The following CUBN variants were observed in gnomAD, a reference collection of about 807,000 sequenced individuals.
CUBN encodes the protein cubilin, also known as 460 kDa receptor.
In CUBN, 282 loss-of-function variants were observed where a neutral mutation model predicts 405.3. That is an observed-to-expected ratio of 0.70 (90% CI 0.63 to 0.77). The LOEUF (loss-of-function observed/expected upper bound fraction) is 0.77. Ranked by LOEUF, CUBN falls within the 30% of genes least tolerant of loss-of-function variation. The pLI, the probability that CUBN is intolerant of heterozygous loss-of-function variation, is 0.00. For missense variants in CUBN, 4,514 were observed against 4,475.2 expected (o/e 1.01, Z -0.25); for synonymous variants, 1,684 against 1,617.0 (o/e 1.04, Z -0.99).
intron 26 of CUBN, among the ~76,000 whole-genome samples, chr10:17,043,467 A>G (rs1266446598): frequency 1.3e-5 from 2 of 152,198 alleles, no homozygotes; most frequent in Non-Finnish European, 1.5e-5. Context: ...GGCAAATGAA[A>G]AGCTATTAGT....
rs703064 is a variant in CUBN at position 16,840,519 on chromosome 10, T to C, written c.9843A>G (p.Thr3281=). The change falls in exon 62 of 67, where the codon ACA becomes ACG. Residue 3281 remains threonine, a synonymous_variant. Transcript: ENST00000377833. ...TTTGTGGGGTCCAAGTTGCATTGTA[T>C]GTTCCACCACAAGGCACTGGAGAGG... ...YTIMDMPCGG[T]YNATWTPQNI... 0.73 allele frequency: 1,161,655 copies of C among 1,599,386 alleles called. 424,527 individuals are homozygous for C. The highest frequency in any genetic ancestry group is 0.74 in the Non-Finnish European group (872,819 of 1,171,634).
chr10:17,123,417 A>C, intron 5 of CUBN, 171 bp downstream of exon 5: 2 of 675,672 alleles, frequency 3.0e-6, no homozygotes, highest in Non-Finnish European at 5.4e-6. Flanking sequence ...TGGGTTATAC[A>C]ATCATACTCA....
At chr10:17,046,205 A>C in intron 23 of CUBN, 111 bp from the exon 24 acceptor site, 1 of 949,740 alleles carries the variant, frequency 1.1e-6, no homozygotes, top group Non-Finnish European at 1.6e-6. Flanking sequence ...TATTGGATGA[A>C]GTAATTTCTC....
rs1564516701 is a variant in CUBN, at chr10:17,104,524, TCAAA to T, written c.1308_1311del (p.Cys436Ter). On this transcript the variant is annotated frameshift_variant, in exon 12 of 67. Transcript: ENST00000377833. LOFTEE classifies it high-confidence loss of function. ...GTTCCTCCATTCAAACAGGGGTTGC[TCAAA>T]CACTCATTGATGTTTTCTGTACAGT... 2 of 1,613,862 alleles carry T rather than the reference TCAAA, an allele frequency of 1.2e-6. No individual in the cohort carries two copies. Among genetic ancestry groups the T allele is most frequent in the Non-Finnish European group, 1.7e-6 (2 of 1,179,960 alleles).
At chr10:17,107,781 G>C (rs1836671748) in intron 10 of CUBN, among the ~76,000 whole-genome samples, 1 of 152,132 alleles carries the variant, frequency 6.6e-6, no homozygotes, top group African/African-American at 2.4e-5. Flanking sequence ...ACAGGCGTGA[G>C]CCACCGCGCC....
rs1019341195 is a variant in CUBN, at chr10:16,824,389, C to T, written c.*586G>A. The T allele has an allele frequency of 6.4e-6, 1 of 156,298 alleles. No homozygotes were observed. The highest frequency in any genetic ancestry group is 1.4e-5 in the Non-Finnish European group (1 of 70,516). 9.7% of individuals were successfully genotyped at this position (156,298 alleles called of 1,614,324 possible). On this transcript the variant is annotated 3_prime_UTR_variant, in exon 67 of 67. Coordinates refer to ENST00000377833, the MANE Select transcript of CUBN (RefSeq NM_001081.4). ...CTTTTAAAAATGTATGTCACATATG[C>T]CATAATCATTTCCAACTCTTTCAAA...
In CUBN at chr10:16,916,693, T is replaced by G. The variant is rs1841893115; in HGVS notation, c.7001-663A>C. 2.0e-5 allele frequency among the ~76,000 whole-genome samples: 3 copies of G among 152,214 alleles called. No individual in the cohort carries two copies. The South Asian group carries it at 6.2e-4, about 31-fold the overall frequency. Reference sequence around the variant, plus strand: ...TTGTTTGGTTTGTGTCTAAACCTATTAGATACCAAATTATGTGCTATTGTG... The same window carrying G: ...TTGTTTGGTTTGTGTCTAAACCTATGAGATACCAAATTATGTGCTATTGTG... On this transcript the variant is annotated intron_variant, in intron 45 of 66. Transcript: ENST00000377833.
At chr10:17,101,897 A>G (rs1836500679) in intron 13 of CUBN, among the ~76,000 whole-genome samples, 1 of 152,226 alleles carries the variant, frequency 6.6e-6, no homozygotes, top group Non-Finnish European at 1.5e-5. Flanking sequence ...GAGAGTTAAA[A>G]ATGGAATGCT....
At chr10:16,835,785 T>C (rs1839151019) in intron 63 of CUBN, among the ~76,000 whole-genome samples, 1 of 152,126 alleles carries the variant, frequency 6.6e-6, no homozygotes, top group Non-Finnish European at 1.5e-5. Flanking sequence ...ACAAAATAAT[T>C]TTCTAAGATT....
intron 56 of CUBN, among the ~76,000 whole-genome samples, chr10:16,879,421 C>T (rs1840606420): frequency 6.6e-6 from 1 of 152,192 alleles, no homozygotes; most frequent in African/African-American, 2.4e-5. Flanking sequence ...CCACATCACC[C>T]CAACACACAA....
intron 60 of CUBN, among the ~76,000 whole-genome samples, chr10:16,848,849 A>G (rs1352866104): frequency 6.6e-6 from 1 of 151,796 alleles, no homozygotes; most frequent in Non-Finnish European, 1.5e-5. Flanking sequence ...CCGTAGGTGC[A>G]CAGCACCACA....
Position 16,984,107 on chromosome 10 carries a change from C to T in CUBN, c.4523G>A (p.Gly1508Glu). 2 of 1,614,156 alleles carry T rather than the reference C, an allele frequency of 1.2e-6. No homozygotes were observed. Among genetic ancestry groups the T allele is most frequent in the South Asian group, 2.2e-5 (2 of 91,070 alleles). ...GGAAACCTCCTTTTCTCACTCACCT[C>T]CAGTGACTGCTTGCCATGACGCATT... ...GFNASWQAVT[G>E]GCGGIFQAPS... is the part of the protein sequence containing the mutation. The change falls in exon 30 of 67, where the codon GGA (glycine) becomes GAA (glutamate). Residue 1508 changes from glycine to glutamate, a missense_variant and splice_region_variant. Gly to Glu is a moderately conservative substitution (Grantham distance 98, BLOSUM62 -2). Coordinates refer to ENST00000377833, the MANE Select transcript of CUBN (RefSeq NM_001081.4).
At chr10:16,902,147 A>ATATATATATTTGTATATACTATATATAG (rs1841407732) in intron 51 of CUBN, among the ~76,000 whole-genome samples, 1 of 136,292 alleles carries the variant, frequency 7.3e-6, no homozygotes, top group East Asian at 2.0e-4. Flanking sequence ...TATATATAGT[A>ATATATATATTTGTATATACTATATATAG]TATATATATT....
chr10:16,969,983 C>A (rs1473198974), intron 31 of CUBN, among the ~76,000 whole-genome samples: 1 of 152,154 alleles, frequency 6.6e-6, no homozygotes, highest in Non-Finnish European at 1.5e-5. Context: ...AAATGCAACT[C>A]CTAACTGAAT....
chr10:17,118,640 T>C (rs1836961704), intron 6 of CUBN, among the ~76,000 whole-genome samples: 1 of 152,144 alleles, frequency 6.6e-6, no homozygotes, highest in Non-Finnish European at 1.5e-5. Context: ...TTTCACCATG[T>C]TAGCAAGGCT....
At chr10:17,068,511 C>T in intron 20 of CUBN, 94 bp downstream of exon 20, 2 of 1,168,952 alleles carry the variant, frequency 1.7e-6, no homozygotes, top group Non-Finnish European at 2.5e-6. Context: ...AAATTTTTCA[C>T]AGTACAGATG....
At chr10:16,856,183 A>G (rs1839864541) in intron 59 of CUBN, among the ~76,000 whole-genome samples, 1 of 152,130 alleles carries the variant, frequency 6.6e-6, no homozygotes, top group African/African-American at 2.4e-5. Context: ...CTTAACCTTG[A>G]TATGTTTAGC....
At position 16,901,419 on chromosome 10, in the gene CUBN, T is replaced by TATGTGATA. The variant is rs1408304387; in HGVS notation, c.8102_8103insTATCACAT (p.Ser2702IlefsTer3). ...CATAAGCATTTGGATAGTTGGGGCTTGTGATCACTCCACTGTCACCTATCT... is the reference window on the plus strand; with the variant it reads ...CATAAGCATTTGGATAGTTGGGGCTTATGTGATAGTGATCACTCCACTGTCACCTATCT... On this transcript the variant is annotated frameshift_variant, in exon 52 of 67. Transcript: ENST00000377833. LOFTEE classifies it high-confidence loss of function. The TATGTGATA allele has an allele frequency of 1.2e-6, 2 of 1,614,136 alleles. No individual in the cohort carries two copies. Among genetic ancestry groups the TATGTGATA allele is most frequent in the Non-Finnish European group, 1.7e-6 (2 of 1,179,994 alleles).
chr10:16,967,900 A>AGAGACAGAGG (rs1262253978), intron 31 of CUBN, among the ~76,000 whole-genome samples: 2 of 150,216 alleles, frequency 1.3e-5, no homozygotes, highest in African/African-American at 2.5e-5. Flanking sequence ...AGACAGAGGG[A>AGAGACAGAGG]GAGAGAGGGG....
Sources: allele counts gnomAD v4.1 joint callset (sites outside exome capture counted in the v4.1 genomes callset), GRCh38; gene constraint gnomAD v4.1.1; transcripts MANE v1.5; gene names NCBI Gene and HGNC (gene_info 2026-07-23, HGNC 2026-07-21).